MTSS2: variants seen among roughly 807,000 people sequenced by gnomAD.
MTSS2 encodes the protein protein MTSS 2.
In MTSS2, 27 loss-of-function variants were observed where a neutral mutation model predicts 67.1. The ratio of observed to expected loss-of-function variants is 0.40; its 90% CI spans 0.30 to 0.55. The LOEUF is 0.55. Ranked by LOEUF, MTSS2 falls within the 20% of genes least tolerant of loss-of-function variation. The probability of loss-of-function intolerance (pLI) is 0.43; values close to 1 mark genes in which losing one functional copy is unlikely to be tolerated. For missense variants in MTSS2, 1,171 were observed against 1,067.8 expected (o/e 1.10, Z -1.35); for synonymous variants, 624 against 468.6 (o/e 1.33, Z -4.28).
Position 70,664,336 on chromosome 16 carries a change from G to T in MTSS2, c.1585C>A (p.Arg529Ser), listed in dbSNP as rs778898944. Residue 529 changes from arginine (R) to serine (S), a missense_variant, in exon 15 of 15, where the codon CGC (arginine) becomes AGC (serine). Arg to Ser is a moderately radical substitution (Grantham distance 110). Coordinates refer to ENST00000338779, the MANE Select transcript of MTSS2 (RefSeq NM_138383.3). ...RNSNIAQNYR[R>S]LIQTKRPAST... ...GCTGGGCGCTTGGTCTGGATCAGGCGGCGGTAGTTCTGGGCGATGTTGCTG... is the reference window on the plus strand; with the variant it reads ...GCTGGGCGCTTGGTCTGGATCAGGCTGCGGTAGTTCTGGGCGATGTTGCTG... The T allele has an allele frequency of 6.3e-7, 1 of 1,598,394 alleles. No homozygotes were observed. The highest frequency in any genetic ancestry group is 8.5e-7 in the Non-Finnish European group (1 of 1,174,438).
chr16:70,671,237 T>C (rs1337213668), intron 11 of MTSS2, among the ~76,000 whole-genome samples: 1 of 151,880 alleles, frequency 6.6e-6, no homozygotes, highest in African/African-American at 2.4e-5. Context: ...ACCCCGCCTC[T>C]GCTAAAAATA....
chr16:70,673,249 T>C (rs1194221116), intron 11 of MTSS2, among the ~76,000 whole-genome samples: 1 of 152,018 alleles, frequency 6.6e-6, no homozygotes, highest in East Asian at 1.9e-4. Context: ...AAGGAGAGGT[T>C]AAATAAAAAT....
rs1022798952 is a variant in MTSS2, at chr16:70,661,604, G to A, written c.*2073C>T. ...GTTGGCTCGGATCCCGAGGTGGGTG[G>A]GCCTATGAGGTGGTTGCTAAGTCGA... On this transcript the variant is annotated 3_prime_UTR_variant, in exon 15 of 15. Transcript: ENST00000338779. 2 of 349,342 alleles carry A rather than the reference G, an allele frequency of 5.7e-6. No homozygotes were observed. The highest frequency in any genetic ancestry group is 4.0e-5 in the Admixed American group (1 of 24,792). 21.6% of individuals were successfully genotyped at this position (349,342 alleles called of 1,614,324 possible).
intron 1 of MTSS2, among the ~76,000 whole-genome samples, chr16:70,682,113 G>A (rs898937394): frequency 1.3e-5 from 2 of 152,198 alleles, no homozygotes; most frequent in African/African-American, 4.8e-5. Context: ...GAGCTTGCAG[G>A]GGTGGGAAGG....
Position 70,661,472 on chromosome 16 carries a change from A to G in MTSS2, c.*2205T>C, listed in dbSNP as rs1023210729. ...GGAACGAGTTAACAACAGCACCAGG[A>G]AAGTTACTTCAGTCAAAAGACGCTT... On this transcript the variant is annotated 3_prime_UTR_variant, in exon 15 of 15. Coordinates refer to ENST00000338779, the MANE Select transcript of MTSS2 (RefSeq NM_138383.3). 2.5e-5 allele frequency: 9 copies of G among 356,778 alleles called. No individual in the cohort carries two copies. The highest frequency in any genetic ancestry group is 1.7e-4 in the African/African-American group (8 of 46,482). 22.1% of individuals were successfully genotyped at this position (356,778 alleles called of 1,614,324 possible). A position where few individuals can be genotyped will look rare whatever the true frequency, so the allele number is the denominator to read the frequency against.
At chr16:70,665,638 G>C (rs1314989057) in intron 11 of MTSS2, 98 bp from the exon 12 acceptor site, 6 of 1,054,294 alleles carry the variant, frequency 5.7e-6, no homozygotes, top group Non-Finnish European at 8.2e-6. Flanking sequence ...CTGGCATGCA[G>C]GGGGGCGGTT....
At chr16:70,665,265 A>G (rs1210906094) in intron 12 of MTSS2, 169 bp from the exon 13 acceptor site, 1 of 950,314 alleles carries the variant, frequency 1.1e-6, no homozygotes, top group South Asian at 1.7e-5. Context: ...CCTCAGTCCC[A>G]CCAGGCCCAG....
At chr16:70,685,213 G>A (rs1041713243) in intron 1 of MTSS2, among the ~76,000 whole-genome samples, 1 of 152,136 alleles carries the variant, frequency 6.6e-6, no homozygotes, top group African/African-American at 2.4e-5. Flanking sequence ...GGGGTGGGGC[G>A]GGGCTGGGGG....
At chr16:70,683,528 G>A (rs980555779) in intron 1 of MTSS2, among the ~76,000 whole-genome samples, 1 of 152,212 alleles carries the variant, frequency 6.6e-6, no homozygotes, top group Non-Finnish European at 1.5e-5. Context: ...GCCAGCACTG[G>A]GTGGAGGCCC....
chr16:70,663,912 T>C lies in MTSS2; in HGVS notation c.2009A>G (p.Asn670Ser), dbSNP rs752307434. ...AEDEQQQLAA[N>S]RHSLVEKLGE... Reference sequence around the variant, plus strand: ...CAGCTTCTCCACCAGGCTGTGCCGGTTGGCCGCCAGCTGCTGCTGCTCGTC... The same window carrying C: ...CAGCTTCTCCACCAGGCTGTGCCGGCTGGCCGCCAGCTGCTGCTGCTCGTC... The change falls in exon 15 of 15, where the codon AAC (asparagine) becomes AGC (serine). Residue 670 changes from asparagine (N) to serine (S), a missense_variant. Around this residue, in one of 2 missense-constraint regions of MTSS2, gnomAD observed 924 missense variants for 756.0 expected, o/e 1.22. Transcript: ENST00000338779. 2 of 1,550,048 alleles carry C rather than the reference T, an allele frequency of 1.3e-6. No individual in the cohort carries two copies. The highest frequency in any genetic ancestry group is 3.9e-5 in the Admixed American group (2 of 51,452).
rs1018120718 is a variant in MTSS2 at position 70,663,846 on chromosome 16, T to C, written c.2075A>G (p.Gln692Arg). 4 of 1,531,596 alleles carry C rather than the reference T, an allele frequency of 2.6e-6. No individual in the cohort carries two copies. The highest frequency in any genetic ancestry group is 3.5e-6 in the Non-Finnish European group (4 of 1,139,984). 94.9% of individuals were successfully genotyped at this position (1,531,596 alleles called of 1,614,324 possible). ...VAGAHALGEGQFPFPTALSAT... is the reference protein window; with the variant it reads ...VAGAHALGEGRFPFPTALSAT... ...CGACAGAGCAGTGGGGAAGGGGAAC[T>C]GGCCCTCACCCAGTGCGTGGGCACC... The change falls in exon 15 of 15, where the codon CAG (glutamine) becomes CGG (arginine). Residue 692 changes from glutamine (Q) to arginine (R), a missense_variant. Physicochemically the swap from Gln to Arg is conservative, Grantham distance 43 (BLOSUM62 1). Coordinates refer to ENST00000338779, the MANE Select transcript of MTSS2 (RefSeq NM_138383.3).
Position 70,664,030 on chromosome 16 carries a change from C to A in MTSS2, c.1891G>T (p.Ala631Ser). 2 of 1,607,074 alleles carry A rather than the reference C, an allele frequency of 1.2e-6. No homozygotes were observed. The highest frequency in any genetic ancestry group is 8.5e-7 in the Non-Finnish European group (1 of 1,177,658). ...CTGAGCCTCTTTGGGGAGGCCTTGG[C>A]GAGGTCCGGTGCCAGGGGTGAGGCG... ...ETASPLAPDL[A>S]KASPKRLSLP... The change falls in exon 15 of 15, where the codon GCC (alanine) becomes TCC (serine). Residue 631 changes from alanine (A) to serine (S), a missense_variant. Physicochemically the swap from Ala to Ser is moderately conservative, Grantham distance 99 (BLOSUM62 1). Around this residue, in one of 2 missense-constraint regions of MTSS2, gnomAD observed 924 missense variants for 756.0 expected, o/e 1.22. Coordinates refer to ENST00000338779, the MANE Select transcript of MTSS2 (RefSeq NM_138383.3).
chr16:70,670,500 T>C (rs2052892826), intron 11 of MTSS2, among the ~76,000 whole-genome samples: 1 of 152,180 alleles, frequency 6.6e-6, no homozygotes. Context: ...CTGGAAACTA[T>C]GCAAATGTCC....
intron 7 of MTSS2, 153 bp from the exon 8 acceptor site, chr16:70,678,562 G>C (rs986912448): frequency 1.2e-6 from 1 of 856,138 alleles, no homozygotes; most frequent in Admixed American, 3.0e-5. Flanking sequence ...GAGGACTCTG[G>C]GGCTTGTGGA....
intron 11 of MTSS2, among the ~76,000 whole-genome samples, chr16:70,666,810 G>C (rs149529387): frequency 6.6e-6 from 1 of 152,204 alleles, no homozygotes; most frequent in Non-Finnish European, 1.5e-5. Context: ...GACACAAGCT[G>C]CTAGAAAGGA....
At chr16:70,667,836 G>C (rs1329339254) in intron 11 of MTSS2, among the ~76,000 whole-genome samples, 2 of 152,034 alleles carry the variant, frequency 1.3e-5, no homozygotes, top group East Asian at 3.9e-4. Context: ...TCGCGCCACT[G>C]CACTCCAGCC....
intron 2 of MTSS2, 46 bp downstream of exon 2, chr16:70,680,918 G>GGGGGGGGGGGGGGGGGGCCCC: frequency 9.1e-7 from 1 of 1,097,912 alleles, no homozygotes; most frequent in Non-Finnish European, 1.3e-6. Context: ...CGGGGGGGGG[G>GGGGGGGGGGGGGGGGGGCCCC]CCTCTGCCTG....
chr16:70,679,415 G>A (rs922461591), intron 6 of MTSS2, 92 bp from the exon 7 acceptor site: 8 of 1,513,426 alleles, frequency 5.3e-6, no homozygotes, highest in African/African-American at 1.4e-5. Context: ...CCTGGGGCGG[G>A]GGTGCCTGGG....
At chr16:70,664,548 A>G in intron 14 of MTSS2, 50 bp downstream of exon 14, 1 of 1,595,848 alleles carries the variant, frequency 6.3e-7, no homozygotes, top group Non-Finnish European at 8.6e-7. Context: ...GCCCTCCTGG[A>G]TGGCTAAGTC....
Sources: allele counts gnomAD v4.1 joint callset (sites outside exome capture counted in the v4.1 genomes callset), GRCh38; gene constraint gnomAD v4.1.1; regional missense constraint gnomAD v4.1.1; transcripts MANE v1.5; gene names NCBI Gene and HGNC (gene_info 2026-07-23, HGNC 2026-07-21).